MGST1: variants seen among roughly 807,000 people sequenced by gnomAD.
The protein encoded by MGST1 is glutathione S-transferase 12.
Under a neutral mutation model 8.9 loss-of-function variants are expected in MGST1, and 5 were observed. The observed-to-expected ratio is 0.56, with a 90% CI of 0.29 to 1.19. The LOEUF (loss-of-function observed/expected upper bound fraction) is 1.19, where lower values mean the gene tolerates loss of function less well. Among genes scored for constraint, MGST1 ranks in the 50% most tolerant of loss-of-function variants. The probability of loss-of-function intolerance (pLI) is 0.08; values close to 1 mark genes in which losing one functional copy is unlikely to be tolerated. For missense variants in MGST1, 182 were observed against 187.4 expected, an observed-to-expected ratio of 0.97 and a Z score of 0.17; for synonymous variants, 54 against 67.8, an observed-to-expected ratio of 0.80 and a Z score of 1.00.
intron 4 of MGST1, among the ~76,000 whole-genome samples, chr12:16,446,085 C>G (rs1368216902): frequency 6.6e-6 from 1 of 151,880 alleles, no homozygotes; most frequent in Non-Finnish European, 1.5e-5. Flanking sequence ...CCACTTAATC[C>G]AGTCTGACCA....
intron 1 of MGST1, among the ~76,000 whole-genome samples, chr12:16,405,255 C>A (rs973245452): frequency 6.6e-6 from 1 of 151,788 alleles, no homozygotes; most frequent in African/African-American, 2.4e-5. Flanking sequence ...GAGCTGGTTT[C>A]GTGGAGAAAT....
At chr12:16,351,567 T>C (rs1391059862) in intron 1 of MGST1, among the ~76,000 whole-genome samples, 2 of 152,116 alleles carry the variant, frequency 1.3e-5, no homozygotes. Flanking sequence ...CCTAGCAGTT[T>C]GGGAGGCTGA....
At chr12:16,387,607 A>G (rs10846349) in intron 1 of MGST1, among the ~76,000 whole-genome samples, 24,110 of 151,258 alleles carry the variant, frequency 0.16, 3,841 homozygotes, top group African/African-American at 0.39. Context: ...GCTCACTGCA[A>G]GCTCCGCCTC....
intron 1 of MGST1, chr12:16,400,884 G>A (rs952411394): frequency 8.4e-7 from 1 of 1,184,334 alleles, no homozygotes; most frequent in African/African-American, 1.5e-5. Flanking sequence ...AGAGATGGGT[G>A]TTTATAGGAC....
At chr12:16,557,242 T>C (rs1942223813) in intron 4 of MGST1, among the ~76,000 whole-genome samples, 1 of 151,882 alleles carries the variant, frequency 6.6e-6, no homozygotes, top group Non-Finnish European at 1.5e-5. Flanking sequence ...TAGAAGAAAA[T>C]GGACAAAGGA....
chr12:16,458,349 T>C lies in MGST1; in HGVS notation n.482+74745T>C, dbSNP rs1244596692. On this transcript the variant is annotated intron_variant and non_coding_transcript_variant, in intron 4 of 4. Transcript: ENST00000538857. This position sits in a 1 kb window ranked among gnomAD's most constrained non-coding sequence, Gnocchi z 4.0. ...TTGAAGTTGTGATTACCATAAGCAA[T>C]TTAAATTTTATTGATCTCTCCTTCT... 6.6e-6 allele frequency among the ~76,000 whole-genome samples: 1 copy of C among 152,034 alleles called. No individual in the cohort carries two copies. The highest frequency in any genetic ancestry group is 1.5e-5 in the Non-Finnish European group (1 of 67,978).
chr12:16,540,397 C>T (rs187923728), intron 4 of MGST1, among the ~76,000 whole-genome samples: 9 of 152,188 alleles, frequency 5.9e-5, no homozygotes, highest in Non-Finnish European at 1.3e-4. Flanking sequence ...TTCAGCTTTC[C>T]GAGTAGCTGG....
intron 4 of MGST1, among the ~76,000 whole-genome samples, chr12:16,460,279 A>T (rs1941208403): frequency 6.6e-6 from 1 of 152,120 alleles, no homozygotes; most frequent in South Asian, 2.1e-4. Flanking sequence ...TCAATGAAGC[A>T]GTGAGTGGAG....
rs945346554 is a variant in MGST1, at chr12:16,360,282, C to T, written c.221+2583C>T. ...TTTTAAGTTAGACTTTTTTTTTTCA[C>T]CTCTCTCGTTACTTCAGTCATTGTA... On this transcript the variant is annotated intron_variant, in intron 3 of 3. Transcript: ENST00000396210. 4.3e-6 allele frequency: 4 copies of T among 928,438 alleles called. No individual in the cohort carries two copies. In the East Asian group the frequency reaches 4.7e-4, roughly 109 times the overall value. 57.5% of individuals were successfully genotyped at this position (928,438 alleles called of 1,614,324 possible).
downstream of MGST1, among the ~76,000 whole-genome samples, chr12:16,589,885 C>G (rs533218918): frequency 9.9e-5 from 15 of 152,178 alleles, no homozygotes; most frequent in Non-Finnish European, 1.9e-4. The surrounding 1 kb of genome is among the most constrained non-coding windows in gnomAD (Gnocchi z 4.2). Flanking sequence ...AATTAAGCCT[C>G]GTAAAGCTCT....
chr12:16,482,630 G>A lies in MGST1; in HGVS notation n.482+99026G>A, dbSNP rs1941371656. 1.1e-5 allele frequency among the ~76,000 whole-genome samples: 1 copy of A among 86,978 alleles called. No individual in the cohort carries two copies. Among genetic ancestry groups the A allele is most frequent in the Non-Finnish European group, 2.9e-5 (1 of 34,440 alleles). 57.1% of individuals were successfully genotyped at this position (86,978 alleles called of 152,430 possible). A position where few individuals can be genotyped will look rare whatever the true frequency, so the allele number is the denominator to read the frequency against. On this transcript the variant is annotated intron_variant and non_coding_transcript_variant, in intron 4 of 4. Coordinates refer to the MGST1 transcript ENST00000538857. The surrounding 1 kb of genome is among the most constrained non-coding windows in gnomAD (Gnocchi z 4.2). ...TGGGTTACAGAGCAAGACTCTGTCTGGAAGAAAAAAAAAAAAGAGTGAGAA... is the reference window on the plus strand; with the variant it reads ...TGGGTTACAGAGCAAGACTCTGTCTAGAAGAAAAAAAAAAAAGAGTGAGAA...
chr12:16,436,195 A>G (rs1175906098), intron 1 of MGST1, among the ~76,000 whole-genome samples: 1 of 151,990 alleles, frequency 6.6e-6, no homozygotes, highest in Non-Finnish European at 1.5e-5. Context: ...TGAAGAAATG[A>G]TGACCAATAA....
At chr12:16,403,879 C>A (rs535781405) in intron 1 of MGST1, among the ~76,000 whole-genome samples, 3 of 152,172 alleles carry the variant, frequency 2.0e-5, no homozygotes, top group South Asian at 4.1e-4. Context: ...GGGAAAACCA[C>A]CCCCATGATT....
chr12:16,408,113 A>C (rs1178550689), intron 1 of MGST1, among the ~76,000 whole-genome samples: 3 of 151,906 alleles, frequency 2.0e-5, no homozygotes, highest in African/African-American at 7.3e-5. Flanking sequence ...TAATACAGGA[A>C]CAGAAAACCA....
intron 4 of MGST1, among the ~76,000 whole-genome samples, chr12:16,485,561 G>A (rs1055516610): frequency 1.3e-5 from 2 of 152,092 alleles, no homozygotes; most frequent in African/African-American, 4.8e-5. Context: ...AAAATCCTCA[G>A]ACATTATGTA....
At chr12:16,351,899 C>T (rs1229326200) in intron 1 of MGST1, among the ~76,000 whole-genome samples, 2 of 151,412 alleles carry the variant, frequency 1.3e-5, no homozygotes, top group African/African-American at 2.4e-5. Flanking sequence ...AATACCTCAC[C>T]ACATAACTGG....
chr12:16,515,917 TGGGCTCA>T (rs1334843353), intron 4 of MGST1, among the ~76,000 whole-genome samples: 1 of 152,200 alleles, frequency 6.6e-6, no homozygotes, highest in Non-Finnish European at 1.5e-5. Flanking sequence ...TGCTGCCAGC[TGGGCTCA>T]GGCTTCACCC....
At chr12:16,391,925 G>A (rs1050335772) in intron 1 of MGST1, among the ~76,000 whole-genome samples, 1 of 152,138 alleles carries the variant, frequency 6.6e-6, no homozygotes, top group Non-Finnish European at 1.5e-5. Flanking sequence ...TTTGTATGTG[G>A]CATGAGGAAG....
At chr12:16,354,042 T>C (rs1269168048) in intron 1 of MGST1, among the ~76,000 whole-genome samples, 189 bp from the exon 2 acceptor site, 1 of 152,158 alleles carries the variant, frequency 6.6e-6, no homozygotes, top group Non-Finnish European at 1.5e-5. Context: ...TTAACAGGTA[T>C]AAGCCACTGC....
Sources: gnomAD v4.1 joint callset for allele counts (sites outside exome capture counted in the v4.1 genomes callset) on GRCh38, gnomAD v4.1.1 for gene constraint, Gnocchi (gnomAD v3.1) non-coding constraint, MANE v1.5 for transcripts, NCBI Gene and HGNC (gene_info 2026-07-23, HGNC 2026-07-21) for gene names.